PLEKHM3: variants seen among roughly 807,000 people sequenced by gnomAD.
The protein encoded by PLEKHM3 is pleckstrin homology domain-containing family M member 3.
Under a neutral mutation model 81.8 loss-of-function variants are expected in PLEKHM3, and 45 were observed. The observed-to-expected ratio is 0.55, with a 90% CI of 0.43 to 0.71. The LOEUF (loss-of-function observed/expected upper bound fraction) is 0.71. PLEKHM3 is among the 30% of genes least tolerant of loss of function. The pLI, the probability that PLEKHM3 is intolerant of heterozygous loss-of-function variation, is 0.00. For synonymous variants in PLEKHM3, 352 were observed against 356.4 expected, an observed-to-expected ratio of 0.99 and a Z score of 0.14; for missense variants, 788 against 924.3, an observed-to-expected ratio of 0.85 and a Z score of 1.91.
intron 7 of PLEKHM3, among the ~76,000 whole-genome samples, chr2:207,834,130 CTTTTTTTTT>C (rs35913574): frequency 7.1e-6 from 1 of 140,544 alleles, no homozygotes; most frequent in Non-Finnish European, 1.5e-5. Flanking sequence ...TTTTCTCTTT[CTTTTTTTTT>C]TTTTTTGAGA....
chr2:207,847,866 T>C (rs185252785), intron 7 of PLEKHM3, among the ~76,000 whole-genome samples: 2 of 152,264 alleles, frequency 1.3e-5, no homozygotes, highest in Non-Finnish European at 2.9e-5. Flanking sequence ...GGCATATACA[T>C]TGGGGGAAGC....
intron 6 of PLEKHM3, among the ~76,000 whole-genome samples, chr2:207,862,988 T>A (rs1197947328): frequency 6.6e-6 from 1 of 152,212 alleles, no homozygotes; most frequent in African/African-American, 2.4e-5. Flanking sequence ...TGGAAGACTG[T>A]GGTGAGGTTG....
chr2:207,880,256 A>C (rs74896344), intron 6 of PLEKHM3, among the ~76,000 whole-genome samples: 35,523 of 151,738 alleles, frequency 0.23, 4,829 homozygotes, highest in Non-Finnish European at 0.31. Context: ...AAAACACAAA[A>C]ATTAGCTGGG....
intron 4 of PLEKHM3, among the ~76,000 whole-genome samples, chr2:207,943,183 T>C (rs576362896): frequency 6.6e-6 from 1 of 152,342 alleles, no homozygotes; most frequent in East Asian, 1.9e-4. Context: ...GAAGAGAACA[T>C]TTTGAATGTT....
chr2:207,851,507 G>T (rs925494398), intron 7 of PLEKHM3: 6 of 152,138 alleles, frequency 3.9e-5, no homozygotes, highest in Non-Finnish European at 8.8e-5. Context: ...AGGCCGAGGC[G>T]GGGGAGGATC....
intron 6 of PLEKHM3, chr2:207,869,851 T>G (rs1359206904): frequency 6.6e-6 from 1 of 152,220 alleles, no homozygotes; most frequent in Non-Finnish European, 1.5e-5. Context: ...CTGGTTGAAC[T>G]TCCAGCTCAG....
intron 1 of PLEKHM3, among the ~76,000 whole-genome samples, chr2:208,025,032 C>T (rs182590291): frequency 1.3e-5 from 2 of 152,156 alleles, no homozygotes; most frequent in Non-Finnish European, 2.9e-5. Flanking sequence ...TTTCTGGAAG[C>T]CCCAGCCTGA....
intron 3 of PLEKHM3, among the ~76,000 whole-genome samples, chr2:207,964,078 G>A (rs919619493): frequency 6.6e-6 from 1 of 152,144 alleles, no homozygotes; most frequent in South Asian, 2.1e-4. Flanking sequence ...CAGGCGTGGT[G>A]GCACATGCCT....
intron 6 of PLEKHM3, among the ~76,000 whole-genome samples, chr2:207,901,838 A>G (rs1439632814): frequency 6.6e-6 from 1 of 152,232 alleles, no homozygotes; most frequent in Non-Finnish European, 1.5e-5. Context: ...ACAGAGATTT[A>G]GTGATGTTTT....
chr2:207,915,868 T>C (rs1368859894), intron 5 of PLEKHM3, among the ~76,000 whole-genome samples: 1 of 152,208 alleles, frequency 6.6e-6, no homozygotes, highest in Admixed American at 6.5e-5. Context: ...AGATGGCCAG[T>C]GTCTTTCCTT....
chr2:208,014,473 G>T (rs778818493), intron 1 of PLEKHM3, among the ~76,000 whole-genome samples: 8 of 152,068 alleles, frequency 5.3e-5, no homozygotes, highest in Non-Finnish European at 5.9e-5. Context: ...GTGAAACCCC[G>T]TCTCTACTAA....
chr2:208,022,818 A>G (rs534510384), intron 1 of PLEKHM3, among the ~76,000 whole-genome samples: 18 of 152,336 alleles, frequency 1.2e-4, no homozygotes, highest in South Asian at 8.3e-4. Context: ...TGAGAAAGTG[A>G]TATCTTATTA....
intron 6 of PLEKHM3, among the ~76,000 whole-genome samples, chr2:207,878,562 C>T (rs1327332000): frequency 1.3e-5 from 2 of 152,200 alleles, no homozygotes; most frequent in South Asian, 2.1e-4. Flanking sequence ...GAGCTGAGAT[C>T]GCGCCACTGC....
At chr2:207,901,933 G>C (rs1333591117) in intron 6 of PLEKHM3, among the ~76,000 whole-genome samples, 3 of 152,176 alleles carry the variant, frequency 2.0e-5, no homozygotes, top group Non-Finnish European at 2.9e-5. Context: ...ACAGGCACTT[G>C]CCATGGAACA....
At chr2:207,851,353 A>G (rs1275163205) in intron 7 of PLEKHM3, 1 of 152,188 alleles carries the variant, frequency 6.6e-6, no homozygotes, top group Non-Finnish European at 1.5e-5. Context: ...AAGCAGTTTT[A>G]TAATTCAGGA....
intron 3 of PLEKHM3, among the ~76,000 whole-genome samples, chr2:207,957,682 A>C (rs1483427283): frequency 1.3e-5 from 2 of 152,232 alleles, no homozygotes; most frequent in Non-Finnish European, 2.9e-5. Flanking sequence ...TAGGTGACAG[A>C]GCGAGACTCT....
chr2:207,939,835 G>A (rs947066160), intron 4 of PLEKHM3, among the ~76,000 whole-genome samples: 2 of 152,198 alleles, frequency 1.3e-5, no homozygotes, highest in Non-Finnish European at 2.9e-5. Flanking sequence ...GTTTGAGTTA[G>A]TGTGGTGGGA....
chr2:207,924,321 A>G (rs2105928247), intron 5 of PLEKHM3, among the ~76,000 whole-genome samples: 1 of 152,238 alleles, frequency 6.6e-6, no homozygotes, highest in African/African-American at 2.4e-5. Flanking sequence ...GCTGGGCCAA[A>G]CGTTGTCACC....
intron 7 of PLEKHM3, among the ~76,000 whole-genome samples, chr2:207,858,573 C>T (rs568407201): frequency 8.6e-5 from 13 of 151,606 alleles, no homozygotes; most frequent in Admixed American, 6.6e-4. Flanking sequence ...CCTTGGCTTC[C>T]GGGTTCAAGC....
Sources: gnomAD v4.1 joint callset for allele counts (sites outside exome capture counted in the v4.1 genomes callset) on GRCh38, gnomAD v4.1.1 for gene constraint, MANE v1.5 for transcripts, NCBI Gene and HGNC (gene_info 2026-07-23, HGNC 2026-07-21) for gene names.